MTUS1: variants seen among roughly 807,000 people sequenced by gnomAD.
MTUS1 encodes the protein microtubule-associated tumor suppressor 1.
Under a neutral mutation model 120.8 loss-of-function variants are expected in MTUS1, and 109 were observed. The ratio of observed to expected loss-of-function variants is 0.90; its 90% CI spans 0.77 to 1.06. The LOEUF (loss-of-function observed/expected upper bound fraction) is 1.06, where lower values mean the gene tolerates loss of function less well. Among genes scored for constraint, MTUS1 ranks in the 50% least tolerant of loss-of-function variants. The pLI is 0.00. For missense variants in MTUS1, 2,210 were observed against 1,486.3 expected, an observed-to-expected ratio of 1.49 and a Z score of -8.01; for synonymous variants, 737 against 550.5, an observed-to-expected ratio of 1.34 and a Z score of -4.74.
chr8:17,769,560 G>T (rs1320951834), intron 1 of MTUS1, among the ~76,000 whole-genome samples: 1 of 151,506 alleles, frequency 6.6e-6, no homozygotes, highest in Non-Finnish European at 1.5e-5. Flanking sequence ...CGTTAGCCAG[G>T]ATGGTCTCGA....
intron 8 of MTUS1, among the ~76,000 whole-genome samples, chr8:17,659,102 C>G (rs1156697982): frequency 1.3e-5 from 2 of 152,216 alleles, no homozygotes; most frequent in Non-Finnish European, 2.9e-5. Flanking sequence ...GCTAAATCAT[C>G]TGCCCAGGGG....
At chr8:17,756,305 A>T (rs900756492) in intron 1 of MTUS1, among the ~76,000 whole-genome samples, 8 of 152,184 alleles carry the variant, frequency 5.3e-5, no homozygotes, top group Non-Finnish European at 8.8e-5. Flanking sequence ...TTGTTGGCTG[A>T]CAGAGTGACA....
intron 8 of MTUS1, among the ~76,000 whole-genome samples, chr8:17,662,509 C>G (rs145272205): frequency 0.081 from 12,345 of 151,794 alleles, 582 homozygotes; most frequent in Middle Eastern, 0.12. Flanking sequence ...GTGCACACCA[C>G]CACACTTGGC....
At chr8:17,779,827 T>C (rs1222329225) in intron 1 of MTUS1, among the ~76,000 whole-genome samples, 1 of 152,204 alleles carries the variant, frequency 6.6e-6, no homozygotes, top group Non-Finnish European at 1.5e-5. Flanking sequence ...CTTCCTTCAC[T>C]CACTCTTGTT....
intron 3 of MTUS1, among the ~76,000 whole-genome samples, chr8:17,728,333 G>C (rs1264486637): frequency 6.6e-6 from 1 of 152,160 alleles, no homozygotes; most frequent in African/African-American, 2.4e-5. Context: ...TCAAACTCCT[G>C]ACCTTAAGTG....
intron 7 of MTUS1, among the ~76,000 whole-genome samples, chr8:17,678,519 G>A (rs1281148924): frequency 1.3e-5 from 2 of 152,128 alleles, no homozygotes; most frequent in Non-Finnish European, 2.9e-5. Flanking sequence ...TCCCATCGGT[G>A]TGCCTGCATT....
chr8:17,653,108 C>G, intron 12 of MTUS1, 78 bp downstream of exon 12: 1 of 767,646 alleles, frequency 1.3e-6, no homozygotes, highest in Non-Finnish European at 2.1e-6. Context: ...ATTTCTCTGG[C>G]TGCTGAGTAC....
intron 1 of MTUS1, among the ~76,000 whole-genome samples, chr8:17,769,931 G>A (rs1368385260): frequency 6.7e-6 from 1 of 148,654 alleles, no homozygotes; most frequent in Non-Finnish European, 1.5e-5. Context: ...CACACACGGG[G>A]GGGGTTGGGG....
In MTUS1 at chr8:17,743,809, T is replaced by C. The variant is rs143456129; in HGVS notation, c.2092-10A>G. 7.8e-4 allele frequency: 1,251 copies of C among 1,612,464 alleles called. 6 individuals are homozygous for C. In the African/African-American group the frequency reaches 0.015, roughly 19 times the overall value. On this transcript the variant is annotated splice_polypyrimidine_tract_variant and intron_variant, in intron 2 of 14. Coordinates refer to ENST00000693296, the MANE Select transcript of MTUS1 (RefSeq NM_001363059.2). Reference sequence around the variant, plus strand: ...TTTTTGAAGCAGAGCCCTGTGAAAATAACAGTTAAGACTGTAAACCAAAAC... The same window carrying C: ...TTTTTGAAGCAGAGCCCTGTGAAAACAACAGTTAAGACTGTAAACCAAAAC...
intron 3 of MTUS1, 146 bp from the exon 4 acceptor site, chr8:17,723,979 G>A (rs1317214202): frequency 1.5e-6 from 1 of 658,248 alleles, no homozygotes; most frequent in Non-Finnish European, 2.6e-6. Flanking sequence ...TCAGATGAAA[G>A]ATGAAAGCTT....
At chr8:17,722,043 A>C in intron 4 of MTUS1, 1 of 1,316,138 alleles carries the variant, frequency 7.6e-7, no homozygotes, top group Non-Finnish European at 9.7e-7. Flanking sequence ...AAAACAGATT[A>C]AACCAGCTAG....
chr8:17,726,741 C>A (rs183980250), intron 3 of MTUS1, among the ~76,000 whole-genome samples: 16 of 152,174 alleles, frequency 1.1e-4, no homozygotes, highest in African/African-American at 3.9e-4. Flanking sequence ...TTAGGAAGAA[C>A]AGGAAAACAG....
At chr8:17,753,484 G>C (rs1172356775) in intron 2 of MTUS1, among the ~76,000 whole-genome samples, 2 of 152,224 alleles carry the variant, frequency 1.3e-5, no homozygotes, top group Admixed American at 1.3e-4. Context: ...AAAAGGAACG[G>C]TGATACTTGA....
In MTUS1 at chr8:17,656,025, C is replaced by T. The variant is rs1808147802; in HGVS notation, c.2946G>A (p.Arg982=). 1.2e-6 allele frequency: 2 copies of T among 1,614,086 alleles called. No homozygotes were observed. Among genetic ancestry groups the T allele is most frequent in the African/African-American group, 1.3e-5 (1 of 74,928 alleles). Residue 982 remains arginine, a synonymous_variant, in exon 9 of 15, where the codon AGG becomes AGA. Transcript: ENST00000693296. The part of the protein sequence containing the change: ...STTCEKLEKA[R]NELQTVYEAF... ...CTTCATACACTGTTTGTAACTCATT[C>T]CTGGCTTTTTCTAATTTCTCACAGG...
intron 1 of MTUS1, among the ~76,000 whole-genome samples, chr8:17,760,901 A>G (rs866696442): frequency 2.6e-5 from 4 of 152,150 alleles, no homozygotes; most frequent in Non-Finnish European, 5.9e-5. Flanking sequence ...GAACAAAGGT[A>G]TAACACCAGA....
intron 3 of MTUS1, among the ~76,000 whole-genome samples, chr8:17,728,059 T>C (rs2046331520): frequency 6.6e-6 from 1 of 152,162 alleles, no homozygotes; most frequent in South Asian, 2.1e-4. Context: ...ATGGAAAGAT[T>C]AAGTGAACAA....
intron 6 of MTUS1, chr8:17,706,089 C>A (rs1820103436): frequency 6.6e-6 from 1 of 152,058 alleles, no homozygotes; most frequent in African/African-American, 2.4e-5. Flanking sequence ...GTCTTTCCTG[C>A]TTGCTTTAGA....
At chr8:17,656,545 A>ACCCCCCCC (rs141775374) in intron 8 of MTUS1, among the ~76,000 whole-genome samples, 5 of 105,972 alleles carry the variant, frequency 4.7e-5, no homozygotes, top group African/African-American at 6.9e-5. Flanking sequence ...AACAAACAAA[A>ACCCCCCCC]CCCCCCCCCA....
At chr8:17,779,805 C>T (rs575226090) in intron 1 of MTUS1, among the ~76,000 whole-genome samples, 1 of 152,340 alleles carries the variant, frequency 6.6e-6, no homozygotes, top group South Asian at 2.1e-4. Flanking sequence ...GGGGCAGCCC[C>T]TTATTCCTTC....
Sources: gnomAD v4.1 joint callset for allele counts (sites outside exome capture counted in the v4.1 genomes callset) on GRCh38, gnomAD v4.1.1 for gene constraint, MANE v1.5 for transcripts, NCBI Gene and HGNC (gene_info 2026-07-23, HGNC 2026-07-21) for gene names.